PTPRG: variants seen among roughly 807,000 people sequenced by gnomAD.
The protein encoded by PTPRG is receptor-type tyrosine-protein phosphatase gamma.
PTPRG carries 102 observed loss-of-function variants against 165.3 expected under a neutral mutation model. That is an observed-to-expected ratio of 0.62 (90% confidence interval 0.53 to 0.73). The LOEUF is 0.73. Ranked by LOEUF, PTPRG falls within the 30% of genes least tolerant of loss-of-function variation. The probability of loss-of-function intolerance (pLI) is 0.00; values close to 1 mark genes in which losing one functional copy is unlikely to be tolerated. For synonymous variants in PTPRG, 675 were observed against 669.5 expected (o/e 1.01, Z -0.13); for missense variants, 1,866 against 1,861.4 (o/e 1.00, Z -0.05).
intron 15 of PTPRG, among the ~76,000 whole-genome samples, chr3:62,248,080 G>T (rs1289463167): frequency 6.6e-6 from 1 of 152,094 alleles, no homozygotes; most frequent in East Asian, 1.9e-4. Context: ...GCTAGACAGA[G>T]ACTGTGAATA....
intron 2 of PTPRG, among the ~76,000 whole-genome samples, chr3:61,928,125 A>G (rs2039271225): frequency 6.6e-6 from 1 of 152,166 alleles, no homozygotes; most frequent in Admixed American, 6.5e-5. Flanking sequence ...GGAGGTTAGG[A>G]GACTCACACA....
chr3:61,720,529 G>A (rs553208046), intron 1 of PTPRG, among the ~76,000 whole-genome samples: 26 of 152,272 alleles, frequency 1.7e-4, no homozygotes, highest in African/African-American at 6.3e-4. Flanking sequence ...ACACAGCCAT[G>A]TAACCAACTC....
chr3:62,258,582 G>A (rs1033686894), intron 16 of PTPRG, among the ~76,000 whole-genome samples: 9 of 152,140 alleles, frequency 5.9e-5, no homozygotes, highest in Non-Finnish European at 8.8e-5. Context: ...AATAACTATC[G>A]TAGTTTCAGA....
At chr3:62,220,771 G>T (rs1010756078) in intron 13 of PTPRG, among the ~76,000 whole-genome samples, 1 of 152,170 alleles carries the variant, frequency 6.6e-6, no homozygotes, top group Non-Finnish European at 1.5e-5. Flanking sequence ...ATCAAGTGAG[G>T]TTAACAAGGT....
chr3:62,147,487 T>G (rs1704165056), intron 6 of PTPRG, among the ~76,000 whole-genome samples: 2 of 152,208 alleles, frequency 1.3e-5, no homozygotes, highest in African/African-American at 4.8e-5. Flanking sequence ...GCGACTCTCA[T>G]GTCTTCATAT....
chr3:62,062,576 G>T (rs1700852577), intron 4 of PTPRG, among the ~76,000 whole-genome samples: 1 of 152,158 alleles, frequency 6.6e-6, no homozygotes, highest in Non-Finnish European at 1.5e-5. Context: ...CAGTTCAACA[G>T]AGACATCTAT....
intron 5 of PTPRG, among the ~76,000 whole-genome samples, chr3:62,124,951 G>T (rs898945212): frequency 6.6e-6 from 1 of 152,018 alleles, no homozygotes; most frequent in Non-Finnish European, 1.5e-5. Flanking sequence ...ATTACATAAG[G>T]GTCTGAATAC....
chr3:62,157,619 A>T (rs1390087979), intron 7 of PTPRG, among the ~76,000 whole-genome samples: 1 of 152,152 alleles, frequency 6.6e-6, no homozygotes, highest in Non-Finnish European at 1.5e-5. Context: ...TTGTACCCCC[A>T]TTCTACAGTC....
intron 1 of PTPRG, among the ~76,000 whole-genome samples, chr3:61,611,091 C>T (rs775070331): frequency 1.3e-5 from 2 of 152,146 alleles, no homozygotes; most frequent in Non-Finnish European, 2.9e-5. Context: ...CATGAGCCAC[C>T]GAGTCCGGTG....
At chr3:62,179,029 T>C (rs1705547833) in intron 8 of PTPRG, among the ~76,000 whole-genome samples, 2 of 152,218 alleles carry the variant, frequency 1.3e-5, no homozygotes, top group African/African-American at 2.4e-5. Context: ...AGGAGGTATC[T>C]AGCTGGGAGA....
At chr3:62,206,267 G>T (rs1247458354) in intron 12 of PTPRG, among the ~76,000 whole-genome samples, 1 of 152,074 alleles carries the variant, frequency 6.6e-6, no homozygotes, top group East Asian at 1.9e-4. Context: ...AACTTTGGGG[G>T]CTCCCTACTC....
At chr3:62,078,691 C>T (rs1340442598) in intron 5 of PTPRG, among the ~76,000 whole-genome samples, 1 of 152,158 alleles carries the variant, frequency 6.6e-6, no homozygotes, top group Non-Finnish European at 1.5e-5. Context: ...TCTCAGAAAT[C>T]CCCATAGTAA....
chr3:61,710,092 G>C (rs1287187130), intron 1 of PTPRG, among the ~76,000 whole-genome samples: 11 of 152,144 alleles, frequency 7.2e-5, no homozygotes, highest in African/African-American at 2.7e-4. Context: ...CATCCCCTTT[G>C]AGTTTGAGCC....
intron 2 of PTPRG, among the ~76,000 whole-genome samples, chr3:61,796,065 A>G (rs556074821): frequency 2.0e-5 from 3 of 152,196 alleles, no homozygotes; most frequent in Non-Finnish European, 1.5e-5. Flanking sequence ...ATATTAGCAA[A>G]TTCCCTTTAA....
chr3:62,219,124 A>G lies in PTPRG; in HGVS notation c.2288+141A>G. On this transcript the variant is annotated intron_variant, in intron 13 of 29. Coordinates refer to ENST00000474889, the MANE Select transcript of PTPRG (RefSeq NM_002841.4). This position sits in a 1 kb window ranked among gnomAD's most constrained non-coding sequence, Gnocchi z 4.5. ...TTCTGGTCTTGCCACCCGGAAGGCC[A>G]TCTTGTCTCTGTTAGATGATGGCAG... 1 of 1,177,938 alleles carries G rather than the reference A, an allele frequency of 8.5e-7. No homozygotes were observed. The highest frequency in any genetic ancestry group is 1.2e-6 in the Non-Finnish European group (1 of 841,294). 73.0% of individuals were successfully genotyped at this position (1,177,938 alleles called of 1,614,324 possible).
At chr3:61,699,959 GA>G (rs2030862524) in intron 1 of PTPRG, among the ~76,000 whole-genome samples, 1 of 152,158 alleles carries the variant, frequency 6.6e-6, no homozygotes, top group South Asian at 2.1e-4. Context: ...GGGTTTTCAA[GA>G]ACAAATATTT....
At chr3:61,947,462 T>G (rs2039787932) in intron 2 of PTPRG, among the ~76,000 whole-genome samples, 1 of 152,140 alleles carries the variant, frequency 6.6e-6, no homozygotes. Flanking sequence ...GAGTATGCAG[T>G]GAAGGAATGT....
chr3:62,081,288 AC>A lies in PTPRG; in HGVS notation c.615+3031del, dbSNP rs1559786029. Among the ~76,000 whole-genome samples the A allele has an allele frequency of 1.8e-3, 278 of 151,534 alleles. 25 individuals carry two copies. Among genetic ancestry groups the A allele is most frequent in the African/African-American group, 5.8e-3 (240 of 41,138 alleles). ...AACAAACAAACAAACAAACAAACAA[AC>A]AAACAAAAACATAATTTTACATAGA... is the stretch of plus-strand genomic sequence containing the variant. On this transcript the variant is annotated intron_variant, in intron 5 of 29. Coordinates refer to ENST00000474889, the MANE Select transcript of PTPRG (RefSeq NM_002841.4).
chr3:62,149,254 C>A (rs940759144), intron 6 of PTPRG, among the ~76,000 whole-genome samples: 1 of 148,366 alleles, frequency 6.7e-6, no homozygotes, highest in South Asian at 2.1e-4. Context: ...CCTCTGGGGT[C>A]CCCCTAGGGA....
Sources: allele counts gnomAD v4.1 joint callset (sites outside exome capture counted in the v4.1 genomes callset), GRCh38; gene constraint gnomAD v4.1.1; non-coding constraint Gnocchi (gnomAD v3.1); transcripts MANE v1.5; gene names NCBI Gene and HGNC (gene_info 2026-07-23, HGNC 2026-07-21).